KATNAL1: variants seen among roughly 807,000 people sequenced by gnomAD.
The protein encoded by KATNAL1 is katanin p60 ATPase-containing subunit A-like 1.
KATNAL1 carries 32 observed loss-of-function variants against 55.2 expected under a neutral mutation model. The observed-to-expected ratio is 0.58, with a 90% CI of 0.44 to 0.78. The LOEUF (loss-of-function observed/expected upper bound fraction) is 0.78, where lower values mean the gene tolerates loss of function less well. KATNAL1 is among the 30% of genes least tolerant of loss of function. The probability of loss-of-function intolerance (pLI) is 0.00; values close to 1 mark genes in which losing one functional copy is unlikely to be tolerated. For synonymous variants in KATNAL1, 193 were observed against 193.6 expected (o/e 1.00, Z 0.02); for missense variants, 466 against 600.9 (o/e 0.78, Z 2.35).
intron 1 of KATNAL1, among the ~76,000 whole-genome samples, chr13:30,292,210 A>G (rs1174559217): frequency 6.6e-6 from 1 of 152,176 alleles, no homozygotes; most frequent in Non-Finnish European, 1.5e-5. Context: ...TTTTCCAGCA[A>G]AAGGGTCCTG....
At chr13:30,296,215 C>T (rs1036785439) in intron 1 of KATNAL1, 79 of 830,672 alleles carry the variant, frequency 9.5e-5, no homozygotes, top group Non-Finnish European at 1.2e-4. Context: ...TGGTGGATGG[C>T]GCCTTCAAAG....
chr13:30,259,143 C>T (rs1221904994), intron 3 of KATNAL1, among the ~76,000 whole-genome samples: 4 of 152,154 alleles, frequency 2.6e-5, no homozygotes, highest in African/African-American at 7.2e-5. Context: ...AGTTCCAGAC[C>T]AGCCATGCCA....
intron 3 of KATNAL1, among the ~76,000 whole-genome samples, chr13:30,271,879 A>G (rs846493): frequency 3.7e-5 from 1 of 27,364 alleles, no homozygotes; most frequent in African/African-American, 1.6e-4. Context: ...AGAAAAGAGG[A>G]AAAAAAAAAA....
At chr13:30,253,648 G>A (rs188845027) in intron 4 of KATNAL1, among the ~76,000 whole-genome samples, 44 of 124,032 alleles carry the variant, frequency 3.5e-4, no homozygotes, top group Non-Finnish European at 1.7e-4. Flanking sequence ...CTGGGCAAGA[G>A]CGAGACTCCA....
intron 6 of KATNAL1, among the ~76,000 whole-genome samples, chr13:30,239,579 AAT>A (rs1238334882): frequency 2.6e-5 from 4 of 152,192 alleles, no homozygotes; most frequent in African/African-American, 9.7e-5. Flanking sequence ...ATTCTTTAGA[AAT>A]ATATCTTTAT....
chr13:30,249,537 A>G (rs1022197619), intron 4 of KATNAL1, among the ~76,000 whole-genome samples: 9 of 152,238 alleles, frequency 5.9e-5, no homozygotes, highest in African/African-American at 1.9e-4. Context: ...TAACTGTGAT[A>G]TACTACTATA....
intron 4 of KATNAL1, among the ~76,000 whole-genome samples, chr13:30,245,819 A>T (rs1438736093): frequency 2.0e-5 from 3 of 152,140 alleles, no homozygotes; most frequent in African/African-American, 7.2e-5. Flanking sequence ...AGAATAAAAT[A>T]CCTAGGAATA....
At chr13:30,279,387 G>A (rs1021706018) in intron 3 of KATNAL1, among the ~76,000 whole-genome samples, 1 of 152,184 alleles carries the variant, frequency 6.6e-6, no homozygotes, top group Middle Eastern at 3.2e-3. Flanking sequence ...CTATGTCTGG[G>A]CAAATCAAAA....
In KATNAL1 at chr13:30,205,925, AGTGTGTGTGTGTGTGTGTGTGTGTGTGT is replaced by A. The variant is rs140880148; in HGVS notation, c.*2587_*2614del. On this transcript the variant is annotated 3_prime_UTR_variant, in exon 11 of 11. Coordinates refer to ENST00000380615, the MANE Select transcript of KATNAL1 (RefSeq NM_032116.5). ...AAGGCAACACACTGTCTTCTGAAAT[AGTGTGTGTGTGTGTGTGTGTGTGTGTGT>A]GTGTGTGTGTGTGTGTGTGTGTGTG... The A allele has an allele frequency of 7.1e-4, 88 of 124,728 alleles. 1 individual carries two copies. The highest frequency in any genetic ancestry group is 2.8e-3 in the African/African-American group (81 of 28,850). 7.7% of individuals were successfully genotyped at this position (124,728 alleles called of 1,614,324 possible). A position where few individuals can be genotyped will look rare whatever the true frequency, so the allele number is the denominator to read the frequency against.
At position 30,210,422 on chromosome 13, in the gene KATNAL1, G is replaced by A. The variant is rs769228528; in HGVS notation, c.1168C>T (p.Leu390=). 3.7e-6 allele frequency: 6 copies of A among 1,605,090 alleles called. No homozygotes were observed. The highest frequency in any genetic ancestry group is 4.2e-6 in the Non-Finnish European group (5 of 1,176,706). Residue 390 remains leucine (L), a synonymous_variant, in exon 10 of 11, where the codon CTG becomes TTG. Coordinates refer to ENST00000380615, the MANE Select transcript of KATNAL1 (RefSeq NM_032116.5). ...LPTAKGRAEL[L]KINLREVELD... ...TCGACCTCACGAAGGTTGATCTTCA[G>A]AAGCTCAGCTCTTCCTTTTGCTGTT...
Position 30,208,637 on chromosome 13 carries a change from C to T in KATNAL1, c.1376G>A (p.Gly459Glu), listed in dbSNP as rs1166528565. ...KEELQMPVTK[G>E]DFELALKKIA... ...TTTCTTTAGGGCCAATTCAAAGTCT[C>T]CTTTGGTAACAGGCATCTGAAGTTC... The change falls in exon 11 of 11, where the codon GGA (glycine) becomes GAA (glutamate). Residue 459 changes from glycine (G) to glutamate (E), a missense_variant. By Grantham distance (98) the Gly-to-Glu change is moderately conservative (BLOSUM62 -2). Around this residue, in one of 3 missense-constraint regions of KATNAL1, gnomAD observed 213 missense variants for 308.6 expected, o/e 0.69. Transcript: ENST00000380615. 1.9e-6 allele frequency: 3 copies of T among 1,613,750 alleles called. No individual in the cohort carries two copies. The highest frequency in any genetic ancestry group is 1.3e-5 in the African/African-American group (1 of 74,916).
At chr13:30,269,404 A>C (rs1177894934) in intron 3 of KATNAL1, among the ~76,000 whole-genome samples, 2 of 152,322 alleles carry the variant, frequency 1.3e-5, no homozygotes, top group Admixed American at 6.5e-5. Flanking sequence ...CCCAGGCTGG[A>C]GTGCAGTGGC....
At chr13:30,215,838 A>G (rs1160452170) in intron 9 of KATNAL1, among the ~76,000 whole-genome samples, 1 of 152,170 alleles carries the variant, frequency 6.6e-6, no homozygotes, top group East Asian at 1.9e-4. Context: ...TGACGAGTTA[A>G]TGGGTGCAGC....
intron 6 of KATNAL1, among the ~76,000 whole-genome samples, chr13:30,236,103 G>C (rs1466530183): frequency 6.6e-5 from 10 of 152,128 alleles, no homozygotes; most frequent in Admixed American, 6.5e-4. Context: ...TTGTCTCTGG[G>C]GCAGCAGAGG....
At chr13:30,294,005 T>C (rs1163054795) in intron 1 of KATNAL1, among the ~76,000 whole-genome samples, 1 of 152,224 alleles carries the variant, frequency 6.6e-6, no homozygotes, top group African/African-American at 2.4e-5. Flanking sequence ...GCAAGGTGAA[T>C]ATAATTGATA....
intron 9 of KATNAL1, among the ~76,000 whole-genome samples, chr13:30,223,429 G>A (rs796315195): frequency 1.8e-4 from 19 of 107,108 alleles, no homozygotes; most frequent in African/African-American, 4.9e-4. Flanking sequence ...GTGACAGAGC[G>A]AGACTCCATC....
At chr13:30,239,184 AGGT>A in intron 6 of KATNAL1, among the ~76,000 whole-genome samples, 1 of 152,240 alleles carries the variant, frequency 6.6e-6, no homozygotes, top group African/African-American at 2.4e-5. Flanking sequence ...CCAAGGTGGG[AGGT>A]TCACTTGAGG....
At chr13:30,304,336 CT>C (rs371216010) in intron 1 of KATNAL1, among the ~76,000 whole-genome samples, 30 of 150,218 alleles carry the variant, frequency 2.0e-4, no homozygotes, top group Middle Eastern at 3.5e-3. Context: ...GCAGCATGAT[CT>C]TGGCTCACTG....
chr13:30,307,048 G>A (rs570837798), intron 1 of KATNAL1: 2 of 151,770 alleles, frequency 1.3e-5, no homozygotes, highest in South Asian at 2.1e-4. Context: ...AAAGTTTATC[G>A]GTCTTTCCCG....
Sources: gnomAD v4.1 joint callset for allele counts (sites outside exome capture counted in the v4.1 genomes callset) on GRCh38, gnomAD v4.1.1 for gene constraint, gnomAD v4.1.1 regional missense constraint, MANE v1.5 for transcripts, NCBI Gene and HGNC (gene_info 2026-07-23, HGNC 2026-07-21) for gene names.